Variants in STRN3 observed in about 807,000 individuals in gnomAD.
The protein encoded by STRN3 is striatin 3, also known as striatin-3.
In STRN3, 29 loss-of-function variants were observed where a neutral mutation model predicts 95.6. That is an observed-to-expected ratio of 0.30 (90% confidence interval 0.23 to 0.41). STRN3 has a LOEUF of 0.41. Ranked by LOEUF, STRN3 falls within the 10% of genes least tolerant of loss-of-function variation. The pLI is 1.00. For synonymous variants in STRN3, 331 were observed against 357.6 expected, an observed-to-expected ratio of 0.93 and a Z score of 0.84; for missense variants, 890 against 972.1, an observed-to-expected ratio of 0.92 and a Z score of 1.12.
intron 1 of STRN3, among the ~76,000 whole-genome samples, chr14:31,017,675 A>C (rs942360622): frequency 6.6e-6 from 1 of 152,152 alleles, no homozygotes; most frequent in African/African-American, 2.4e-5. Context: ...ATTCTGGAAA[A>C]GGCAAAACTT....
intron 5 of STRN3, 146 bp downstream of exon 5, chr14:30,946,944 A>G: frequency 2.1e-6 from 1 of 482,496 alleles, no homozygotes. Context: ...GTACCATTGC[A>G]CTCCAGCTTG....
At position 30,905,786 on chromosome 14, in the gene STRN3, T is replaced by C. The variant is rs553917907; in HGVS notation, c.1889-228A>G. Among the ~76,000 whole-genome samples the C allele has an allele frequency of 2.0e-5, 3 of 152,326 alleles. No homozygotes were observed. In the South Asian group the frequency reaches 6.2e-4, roughly 32 times the overall value. ...TCTATTTAATATTGTAAGAAAAATATAACTACAGAGCTCATAAAGAGTAAA... is the reference window on the plus strand; with the variant it reads ...TCTATTTAATATTGTAAGAAAAATACAACTACAGAGCTCATAAAGAGTAAA... On this transcript the variant is annotated intron_variant, in intron 14 of 17. Coordinates refer to ENST00000357479, the MANE Select transcript of STRN3 (RefSeq NM_001083893.2).
rs71417936 is a variant in STRN3, at chr14:30,960,862, C to T, written c.283-4620G>A. 8.3e-3 allele frequency among the ~76,000 whole-genome samples: 934 copies of T among 113,134 alleles called. 13 individuals are homozygous for T. Among genetic ancestry groups the T allele is most frequent in the Non-Finnish European group, 8.8e-3 (515 of 58,364 alleles). The allele number at this position is 113,134 out of a possible 152,430, so 74.2% of individuals were successfully genotyped here. On this transcript the variant is annotated intron_variant, in intron 1 of 17. Transcript: ENST00000357479. Reference sequence around the variant, plus strand: ...TCAGCCTGGGCCACAGAGTGAGACTCCATCTCAAAAAAAAAAAAAAAAAAA... The same window carrying T: ...TCAGCCTGGGCCACAGAGTGAGACTTCATCTCAAAAAAAAAAAAAAAAAAA...
chr14:31,013,781 G>GA lies in STRN3; in HGVS notation c.282+12122_282+12123insT, dbSNP rs1163979694. On this transcript the variant is annotated intron_variant, in intron 1 of 17. Coordinates refer to ENST00000357479, the MANE Select transcript of STRN3 (RefSeq NM_001083893.2). ...AAATTTTTTCTTTTCTGTAGAAACG[G>GA]GGGGGGTCTCACTATGTTGCCCAGG... Among the ~76,000 whole-genome samples, 14 of 118,738 alleles carry GA rather than the reference G, an allele frequency of 1.2e-4. No individual in the cohort carries two copies. The East Asian group carries it at 4.1e-3, about 35-fold the overall frequency. 77.9% of individuals were successfully genotyped at this position (118,738 alleles called of 152,430 possible). A position where few individuals can be genotyped will look rare whatever the true frequency, so the allele number is the denominator to read the frequency against.
At position 30,911,169 on chromosome 14, in the gene STRN3, T is replaced by C. The variant is rs1219065932; in HGVS notation, c.1599-7A>G. On this transcript the variant is annotated splice_polypyrimidine_tract_variant and splice_region_variant and intron_variant, in intron 12 of 17. Transcript: ENST00000357479. ...TAATGACAGAACAGGGCCGCTATTG[T>C]AGGAAGAGAGGAAAAACAAATTACT... The C allele has an allele frequency of 2.5e-6, 4 of 1,605,902 alleles. No individual in the cohort carries two copies. Among genetic ancestry groups the C allele is most frequent in the African/African-American group, 1.3e-5 (1 of 74,476 alleles).
chr14:30,903,195 T>G (rs1896371495), intron 15 of STRN3, among the ~76,000 whole-genome samples: 1 of 152,060 alleles, frequency 6.6e-6, no homozygotes, highest in Non-Finnish European at 1.5e-5. Flanking sequence ...TCCTCAATAT[T>G]AATAGACTTT....
In STRN3 at chr14:30,905,599, A is replaced by G. The variant is rs376169139; in HGVS notation, c.1889-41T>C. 3.2e-6 allele frequency: 5 copies of G among 1,550,956 alleles called. No homozygotes were observed. The African/African-American group carries it at 5.6e-5, about 17-fold the overall frequency. Reference sequence around the variant, plus strand: ...AGACAGACAATGTAAACAAAGTAAAATTACTATGAAATCTCTACTTTTTGA... The same window carrying G: ...AGACAGACAATGTAAACAAAGTAAAGTTACTATGAAATCTCTACTTTTTGA... On this transcript the variant is annotated intron_variant, in intron 14 of 17. Transcript: ENST00000357479.
chr14:30,963,119 A>G (rs1480421046), intron 1 of STRN3, among the ~76,000 whole-genome samples: 1 of 152,198 alleles, frequency 6.6e-6, no homozygotes, highest in Non-Finnish European at 1.5e-5. Context: ...TTACAACTAT[A>G]AACACACACA....
chr14:30,917,090 G>A (rs529233472), intron 9 of STRN3, among the ~76,000 whole-genome samples: 33 of 152,228 alleles, frequency 2.2e-4, no homozygotes, highest in East Asian at 7.7e-4. Context: ...AAGGAAGTTG[G>A]GGACTGCCAC....
intron 1 of STRN3, among the ~76,000 whole-genome samples, chr14:30,979,532 T>C (rs1881283027): frequency 6.6e-6 from 1 of 152,188 alleles, no homozygotes; most frequent in Non-Finnish European, 1.5e-5. Context: ...TACTACTGAT[T>C]TTCAGGATAG....
At chr14:30,951,857 C>T (rs1200407847) in intron 3 of STRN3, among the ~76,000 whole-genome samples, 1 of 152,146 alleles carries the variant, frequency 6.6e-6, no homozygotes, top group Non-Finnish European at 1.5e-5. Context: ...ATGGCTCACG[C>T]CTGTAATCCC....
chr14:30,895,764 C>T lies in STRN3; in HGVS notation c.2138-16G>A. 1 of 1,597,154 alleles carries T rather than the reference C, an allele frequency of 6.3e-7. No individual in the cohort carries two copies. The highest frequency in any genetic ancestry group is 1.8e-5 in the Admixed American group (1 of 56,164). On this transcript the variant is annotated splice_polypyrimidine_tract_variant and intron_variant, in intron 16 of 17. Transcript: ENST00000357479. The stretch of plus-strand genomic sequence containing the variant: ...ATCATTTTACCTAAACAAAACATAA[C>T]AGAGAACTGATTAAGTTTTCACAAA...
In STRN3 at chr14:30,929,187, G is replaced by A; in HGVS notation, c.1099+14C>T. ...TGGTATACAAAAATTATAATAGTCA[G>A]AATCTGCACTTACTCTTCACCCCTT... On this transcript the variant is annotated intron_variant, in intron 8 of 17. Transcript: ENST00000357479. The A allele has an allele frequency of 6.3e-7, 1 of 1,588,690 alleles. No individual in the cohort carries two copies. The highest frequency in any genetic ancestry group is 8.6e-7 in the Non-Finnish European group (1 of 1,166,128).
At chr14:30,931,046 T>C (rs1044214970) in intron 7 of STRN3, among the ~76,000 whole-genome samples, 2 of 152,076 alleles carry the variant, frequency 1.3e-5, no homozygotes, top group African/African-American at 4.8e-5. Context: ...AAACTGTGAA[T>C]AGCTCTAACT....
At chr14:30,921,795 A>G (rs1276158085) in intron 8 of STRN3, among the ~76,000 whole-genome samples, 1 of 152,230 alleles carries the variant, frequency 6.6e-6, no homozygotes, top group Non-Finnish European at 1.5e-5. Flanking sequence ...CACTAATTAA[A>G]TAAAAACTGA....
chr14:30,987,915 T>C (rs1232717156), intron 1 of STRN3, among the ~76,000 whole-genome samples: 2 of 152,050 alleles, frequency 1.3e-5, no homozygotes, highest in African/African-American at 2.4e-5. Flanking sequence ...TTTTTGTATT[T>C]TTAGTAGAGA....
intron 5 of STRN3, among the ~76,000 whole-genome samples, chr14:30,942,680 C>T (rs984364148): frequency 2.0e-5 from 3 of 152,094 alleles, no homozygotes; most frequent in Admixed American, 1.3e-4. Context: ...AAAGTAGATG[C>T]TTTGTGATAT....
At chr14:30,900,265 G>A (rs1475333936) in intron 16 of STRN3, among the ~76,000 whole-genome samples, 6 of 151,430 alleles carry the variant, frequency 4.0e-5, no homozygotes, top group Admixed American at 2.0e-4. Flanking sequence ...AGGGTGAGCC[G>A]GGAGAATCAC....
chr14:30,924,905 G>A (rs1027973005), intron 8 of STRN3, among the ~76,000 whole-genome samples: 5 of 152,156 alleles, frequency 3.3e-5, no homozygotes, highest in Non-Finnish European at 4.4e-5. Context: ...GTGGTAAAGT[G>A]TTAACATTTG....
Sources: gnomAD v4.1 joint callset for allele counts (sites outside exome capture counted in the v4.1 genomes callset) on GRCh38, gnomAD v4.1.1 for gene constraint, MANE v1.5 for transcripts, NCBI Gene and HGNC (gene_info 2026-07-23, HGNC 2026-07-21) for gene names.